ZBTB48: variants seen among roughly 807,000 people sequenced by gnomAD.
ZBTB48 encodes zinc finger and BTB domain containing 48, also known as zinc finger and BTB domain-containing protein 48.
A neutral mutation model predicts 64.5 loss-of-function variants in ZBTB48; 35 were observed. That is an observed-to-expected ratio of 0.54 (90% CI 0.41 to 0.72). The LOEUF (loss-of-function observed/expected upper bound fraction) is 0.72, where lower values mean the gene tolerates loss of function less well. Ranked by LOEUF, ZBTB48 falls within the 30% of genes least tolerant of loss-of-function variation. The probability of loss-of-function intolerance (pLI) is 0.00; values close to 1 mark genes in which losing one functional copy is unlikely to be tolerated. For synonymous variants in ZBTB48, 442 were observed against 356.7 expected (o/e 1.24, Z -2.70); for missense variants, 828 against 895.3 (o/e 0.92, Z 0.96).
Position 6,587,938 on chromosome 1 carries a change from G to A in ZBTB48, c.1380-122G>A, listed in dbSNP as rs1037412346. 5 of 1,362,644 alleles carry A rather than the reference G, an allele frequency of 3.7e-6. No individual in the cohort carries two copies. The Admixed American group carries it at 1.1e-4, about 31-fold the overall frequency. The allele number at this position is 1,362,644 out of a possible 1,614,324, so 84.4% of individuals were successfully genotyped here. A position where few individuals can be genotyped will look rare whatever the true frequency, so the allele number is the denominator to read the frequency against. On this transcript the variant is annotated intron_variant, in intron 7 of 10. Transcript: ENST00000377674. ...TTGTCCTTCTGCTCTCGGGGTGGAG[G>A]TGGTGCCCCTTTCCTAGCACTGCCC...
In ZBTB48 at chr1:6,587,288, T is replaced by C. The variant is rs1348995968; in HGVS notation, c.1221T>C (p.His407=). 2 of 1,614,014 alleles carry C rather than the reference T, an allele frequency of 1.2e-6. No individual in the cohort carries two copies. The highest frequency in any genetic ancestry group is 1.7e-6 in the Non-Finnish European group (2 of 1,180,002). Reference sequence around the variant, plus strand: ...AACTTCATGGAGCCCCCAAGCCCCATGCAGTAAGTGACAGGGAGGGCTGGG... The same window carrying C: ...AACTTCATGGAGCCCCCAAGCCCCACGCAGTAAGTGACAGGGAGGGCTGGG... ...MIKLHGAPKP[H]ACPTCAKCFL... The change falls in exon 6 of 11, where the codon CAT becomes CAC. Residue 407 remains histidine, a synonymous_variant. Coordinates refer to ENST00000377674, the MANE Select transcript of ZBTB48 (RefSeq NM_005341.4).
intron 3 of ZBTB48, among the ~76,000 whole-genome samples, chr1:6,583,020 C>T (rs1214428422): frequency 6.6e-6 from 1 of 151,178 alleles, no homozygotes; most frequent in East Asian, 2.0e-4. Context: ...GAGTTGGAGT[C>T]TTGCTCTGTC....
chr1:6,580,363 C>T lies in ZBTB48; in HGVS notation c.-69-178C>T, dbSNP rs1043494590. Reference sequence around the variant, plus strand: ...TTTCTCACCAGGCCCTTCTTCACGACCCTGGCCCCCCATCCAGCATCCCCC... The same window carrying T: ...TTTCTCACCAGGCCCTTCTTCACGATCCTGGCCCCCCATCCAGCATCCCCC... On this transcript the variant is annotated intron_variant, in intron 1 of 10. Coordinates refer to ENST00000377674, the MANE Select transcript of ZBTB48 (RefSeq NM_005341.4). The surrounding 1 kb of genome is among the most constrained non-coding windows in gnomAD (Gnocchi z 5.2). Among the ~76,000 whole-genome samples the T allele has an allele frequency of 6.8e-6, 1 of 146,918 alleles. No homozygotes were observed. Among genetic ancestry groups the T allele is most frequent in the Non-Finnish European group, 1.5e-5 (1 of 65,308 alleles).
chr1:6,587,054 C>A, intron 5 of ZBTB48, 151 bp from the exon 6 acceptor site: 1 of 954,682 alleles, frequency 1.0e-6, no homozygotes, highest in Non-Finnish European at 1.7e-6. Flanking sequence ...TGAGGGCCCT[C>A]CTTTGCACCA....
chr1:6,587,110 GCCTC>G (rs770148483), intron 5 of ZBTB48, 91 bp from the exon 6 acceptor site: 22 of 1,331,336 alleles, frequency 1.7e-5, no homozygotes, highest in Non-Finnish European at 2.0e-5. Context: ...TCTCACCGGG[GCCTC>G]CCTCTAGTTC....
At chr1:6,585,667 GCCTC>G (rs1362997393) in intron 3 of ZBTB48, 4 of 503,706 alleles carry the variant, frequency 7.9e-6, no homozygotes, top group Non-Finnish European at 1.4e-5. Context: ...GGTCAGCTGG[GCCTC>G]CCTGTCGGCC....
chr1:6,588,235 T>G, intron 8 of ZBTB48, 39 bp downstream of exon 8: 1 of 1,612,644 alleles, frequency 6.2e-7, no homozygotes, highest in South Asian at 1.1e-5. Context: ...CTCCCCATCC[T>G]GAGGCCAAGG....
rs754327534 is a variant in ZBTB48 at position 6,580,600 on chromosome 1, C to T, written c.-10C>T. The stretch of plus-strand genomic sequence containing the variant: ...CGGGGTGTCACTTCTGCCTCCCTGC[C>T]CTCCAGACCATGGACGGCTCCTTCG... On this transcript the variant is annotated 5_prime_UTR_variant, in exon 2 of 11. Coordinates refer to ENST00000377674, the MANE Select transcript of ZBTB48 (RefSeq NM_005341.4). This position sits in a 1 kb window ranked among gnomAD's most constrained non-coding sequence, Gnocchi z 5.2. 1.1e-5 allele frequency: 17 copies of T among 1,602,588 alleles called. No homozygotes were observed. Among genetic ancestry groups the T allele is most frequent in the Admixed American group, 1.0e-4 (6 of 59,676 alleles).
rs201909246 is a variant in ZBTB48 at position 6,588,933 on chromosome 1, C to T, written c.1788C>T (p.His596=). The T allele has an allele frequency of 1.9e-6, 3 of 1,612,218 alleles. No individual in the cohort carries two copies. The highest frequency in any genetic ancestry group is 2.5e-6 in the Non-Finnish European group (3 of 1,179,010). The change falls in exon 11 of 11, where the codon CAC becomes CAT. Residue 596 remains histidine, a synonymous_variant. Coordinates refer to ENST00000377674, the MANE Select transcript of ZBTB48 (RefSeq NM_005341.4). ...KFTRQAHLRR[H]MEIHDRVENY... ...CCCGCCAGGCCCACCTGCGGAGGCA[C>T]ATGGAGATCCACGACCGGGTAGAGA...
At chr1:6,585,683 CTG>C (rs1451306745) in intron 3 of ZBTB48, 27 of 533,808 alleles carry the variant, frequency 5.1e-5, no homozygotes, top group Middle Eastern at 1.0e-3. Flanking sequence ...CTGTCGGCCT[CTG>C]TGCTGGCCAG....
At chr1:6,583,676 C>T (rs1640554610) in intron 3 of ZBTB48, among the ~76,000 whole-genome samples, 1 of 151,354 alleles carries the variant, frequency 6.6e-6, no homozygotes, top group African/African-American at 2.4e-5. Flanking sequence ...TCTTGGCTCA[C>T]TGCAACTTCT....
intron 3 of ZBTB48, 105 bp from the exon 4 acceptor site, chr1:6,585,814 C>T: frequency 3.7e-6 from 4 of 1,086,696 alleles, no homozygotes; most frequent in Non-Finnish European, 4.2e-6. Context: ...GCCGGTGTCA[C>T]CTGAGAACAC....
At chr1:6,585,471 A>T in intron 3 of ZBTB48, 1 of 182,674 alleles carries the variant, frequency 5.5e-6, no homozygotes, top group Non-Finnish European at 1.2e-5. Flanking sequence ...CCTGTGGGGG[A>T]GGCAGTCACG....
chr1:6,587,393 G>A, intron 6 of ZBTB48, 85 bp from the exon 7 acceptor site: 2 of 1,607,092 alleles, frequency 1.2e-6, no homozygotes, highest in Admixed American at 1.7e-5. Flanking sequence ...TTGTTCGGGG[G>A]GGTGCTTGTG....
At chr1:6,587,316 T>C (rs1361585674) in intron 6 of ZBTB48, 25 bp downstream of exon 6, 1 of 1,613,880 alleles carries the variant, frequency 6.2e-7, no homozygotes, top group East Asian at 2.2e-5. Context: ...GGGCTGGGCA[T>C]GCTTTGATGC....
At chr1:6,586,567 C>T in intron 4 of ZBTB48, 128 bp from the exon 5 acceptor site, 2 of 1,237,272 alleles carry the variant, frequency 1.6e-6, no homozygotes, top group Non-Finnish European at 2.1e-6. Context: ...GTTGCCCTCT[C>T]CCACCCTAGC....
At position 6,584,238 on chromosome 1, in the gene ZBTB48, T is replaced by C. The variant is rs1380355885; in HGVS notation, c.933-1681T>C. 6.6e-6 allele frequency among the ~76,000 whole-genome samples: 1 copy of C among 152,248 alleles called. No homozygotes were observed. Among genetic ancestry groups the C allele is most frequent in the Non-Finnish European group, 1.5e-5 (1 of 68,050 alleles). On this transcript the variant is annotated intron_variant, in intron 3 of 10. Transcript: ENST00000377674. This position sits in a 1 kb window ranked among gnomAD's most constrained non-coding sequence, Gnocchi z 4.5. ...CCCCAGGGACTATTTTAACTTAAAA[T>C]TTAAAATTAAATAAAAATTCAGTTC...
rs891196208 is a variant in ZBTB48 at position 6,580,492 on chromosome 1, T to C, written c.-69-49T>C. ...ACCCAAGCCCTCGTGCTGATAAATA[T>C]GATTATTTGAGTAGAGGCCAACTTC... On this transcript the variant is annotated intron_variant, in intron 1 of 10. Transcript: ENST00000377674. This position sits in a 1 kb window ranked among gnomAD's most constrained non-coding sequence, Gnocchi z 5.2. 13 of 1,063,106 alleles carry C rather than the reference T, an allele frequency of 1.2e-5. No homozygotes were observed. The South Asian group carries it at 2.1e-4, about 17-fold the overall frequency. 65.9% of individuals were successfully genotyped at this position (1,063,106 alleles called of 1,614,324 possible).
Position 6,588,325 on chromosome 1 carries a change from A to G in ZBTB48, c.1564A>G (p.Ser522Gly), listed in dbSNP as rs1199814135. Residue 522 changes from serine to glycine, a missense_variant, in exon 9 of 11, where the codon AGT (serine) becomes GGT (glycine). Ser to Gly is a moderately conservative substitution (Grantham distance 56). Coordinates refer to ENST00000377674, the MANE Select transcript of ZBTB48 (RefSeq NM_005341.4). ...CACCCACACCGGGGAAAGGCCCTTC[A>G]GTTGCGAGTTCTGTGAACAGCGCTT... ...NRTHTGERPFSCEFCEQRFTE... is the reference protein window; with the variant it reads ...NRTHTGERPFGCEFCEQRFTE... 10 of 1,608,198 alleles carry G rather than the reference A, an allele frequency of 6.2e-6. No individual in the cohort carries two copies. The highest frequency in any genetic ancestry group is 7.7e-6 in the Non-Finnish European group (9 of 1,175,556).
Sources: allele counts gnomAD v4.1 joint callset (sites outside exome capture counted in the v4.1 genomes callset), GRCh38; gene constraint gnomAD v4.1.1; non-coding constraint Gnocchi (gnomAD v3.1); transcripts MANE v1.5; gene names NCBI Gene and HGNC (gene_info 2026-07-23, HGNC 2026-07-21).